Variants in PHIP observed in about 807,000 individuals in gnomAD.
PHIP encodes PHIP subunit of CUL4-Ring ligase complex.
PHIP carries 54 observed loss-of-function variants against 236.8 expected under a neutral mutation model. The observed-to-expected ratio is 0.23, with a 90% CI of 0.18 to 0.29. The LOEUF is 0.29. PHIP is among the 10% of genes least tolerant of loss of function. The pLI is 1.00. For synonymous variants in PHIP, 756 were observed against 718.9 expected, an observed-to-expected ratio of 1.05 and a Z score of -0.83; for missense variants, 1,370 against 2,190.8, an observed-to-expected ratio of 0.63 and a Z score of 7.48.
At chr6:78,951,219 T>G (rs2127687134) in intron 35 of PHIP, among the ~76,000 whole-genome samples, 1 of 152,322 alleles carries the variant, frequency 6.6e-6, no homozygotes, top group East Asian at 1.9e-4. Flanking sequence ...TTTTGCAATA[T>G]TTTGGTTAAT....
At chr6:78,944,064 G>C (rs1052211181) in intron 39 of PHIP, among the ~76,000 whole-genome samples, 3 of 145,080 alleles carry the variant, frequency 2.1e-5, no homozygotes, top group African/African-American at 7.7e-5. Flanking sequence ...TCCTAAAGAA[G>C]ACGATATTTT....
intron 7 of PHIP, among the ~76,000 whole-genome samples, chr6:79,032,808 C>T (rs989415994): frequency 1.3e-5 from 2 of 151,622 alleles, no homozygotes; most frequent in Admixed American, 1.3e-4. Flanking sequence ...TTCTCAATTA[C>T]AGGTGAAACA....
chr6:78,947,319 G>T (rs1189636650), intron 36 of PHIP, among the ~76,000 whole-genome samples: 1 of 152,126 alleles, frequency 6.6e-6, no homozygotes, highest in Non-Finnish European at 1.5e-5. Flanking sequence ...TCGCAAAAAT[G>T]CTCCACAAGG....
At chr6:78,955,345 A>T (rs759687949) in intron 33 of PHIP, 63 bp from the exon 34 acceptor site, 2 of 1,139,118 alleles carry the variant, frequency 1.8e-6, no homozygotes, top group Non-Finnish European at 1.3e-6. Flanking sequence ...TTTATAGTTG[A>T]TTAACTAGCA....
chr6:78,965,637 AT>A, intron 29 of PHIP, 65 bp downstream of exon 29: 1 of 900,220 alleles, frequency 1.1e-6, no homozygotes, highest in Non-Finnish European at 1.8e-6. Context: ...ATGTTAGCAA[AT>A]CTTAAATAAT....
At chr6:79,007,699 A>G (rs1380461764) in intron 15 of PHIP, among the ~76,000 whole-genome samples, 1 of 149,160 alleles carries the variant, frequency 6.7e-6, no homozygotes, top group Non-Finnish European at 1.5e-5. Flanking sequence ...CATTAGAAGA[A>G]AGCATCTTAC....
At chr6:79,030,369 A>C (rs922004066) in intron 7 of PHIP, among the ~76,000 whole-genome samples, 1 of 152,222 alleles carries the variant, frequency 6.6e-6, no homozygotes, top group Non-Finnish European at 1.5e-5. Context: ...ACTCAAGGGA[A>C]AACTAAGTAG....
At chr6:78,954,479 AG>A (rs952080913) in intron 35 of PHIP, among the ~76,000 whole-genome samples, 4 of 152,020 alleles carry the variant, frequency 2.6e-5, no homozygotes, top group African/African-American at 7.2e-5. Context: ...CTTTTTTTCT[AG>A]ATAATTGCCA....
At chr6:79,071,266 T>G (rs1021668139) in intron 4 of PHIP, among the ~76,000 whole-genome samples, 4 of 152,230 alleles carry the variant, frequency 2.6e-5, no homozygotes, top group African/African-American at 7.2e-5. Flanking sequence ...TTCAATAAGA[T>G]AACAGTTTGT....
chr6:78,952,429 AAAAAAAAAAAAG>A (rs1261526545), intron 35 of PHIP, among the ~76,000 whole-genome samples: 7 of 132,810 alleles, frequency 5.3e-5, no homozygotes, highest in African/African-American at 1.4e-4. Context: ...AAAAAAAAAG[AAAAAAAAAAAAG>A]AAAAAAAAAA....
chr6:79,024,966 C>T (rs186742106), intron 9 of PHIP, among the ~76,000 whole-genome samples: 125 of 152,152 alleles, frequency 8.2e-4, no homozygotes, highest in African/African-American at 2.8e-3. Flanking sequence ...TAATACTATC[C>T]AGCCAACTTG....
chr6:78,975,928 T>C (rs1313135479), intron 24 of PHIP, among the ~76,000 whole-genome samples: 1 of 149,820 alleles, frequency 6.7e-6, no homozygotes, highest in Admixed American at 6.6e-5. Context: ...AGAATCAATA[T>C]TGTGAAAATG....
rs761699272 is a variant in PHIP at position 78,983,124 on chromosome 6, G to A, written c.2538-7C>T. The A allele has an allele frequency of 2.1e-6, 3 of 1,437,626 alleles. No individual in the cohort carries two copies. The East Asian group carries it at 6.9e-5, about 33-fold the overall frequency. 89.1% of individuals were successfully genotyped at this position (1,437,626 alleles called of 1,614,324 possible). A position where few individuals can be genotyped will look rare whatever the true frequency, so the allele number is the denominator to read the frequency against. The stretch of plus-strand genomic sequence containing the variant: ...GTAATCACTGGAGTAGTCACTAGAA[G>A]GAGAGAAGGGATTATTAGATAACAC... On this transcript the variant is annotated splice_polypyrimidine_tract_variant and splice_region_variant and intron_variant, in intron 22 of 39. Coordinates refer to ENST00000275034, the MANE Select transcript of PHIP (RefSeq NM_017934.7).
chr6:78,949,498 A>C (rs1430867351), intron 35 of PHIP, among the ~76,000 whole-genome samples: 1 of 151,870 alleles, frequency 6.6e-6, no homozygotes, highest in African/African-American at 2.4e-5. Context: ...GGCCCACTGG[A>C]ATTATTCAAA....
intron 19 of PHIP, among the ~76,000 whole-genome samples, chr6:78,994,463 G>A (rs1368425434): frequency 2.0e-5 from 3 of 152,168 alleles, no homozygotes; most frequent in Admixed American, 2.0e-4. Context: ...TGTAGTCCCA[G>A]CTACTGGGAA....
At chr6:79,052,871 T>G (rs1407003004) in intron 6 of PHIP, among the ~76,000 whole-genome samples, 1 of 152,042 alleles carries the variant, frequency 6.6e-6, no homozygotes, top group Non-Finnish European at 1.5e-5. Flanking sequence ...CATTAACACA[T>G]AAAGAATTTC....
At chr6:78,972,809 G>C (rs753703580) in intron 24 of PHIP, among the ~76,000 whole-genome samples, 1 of 152,134 alleles carries the variant, frequency 6.6e-6, no homozygotes, top group Non-Finnish European at 1.5e-5. Context: ...GAAATGAAGC[G>C]AGAAGGGAAG....
intron 24 of PHIP, among the ~76,000 whole-genome samples, chr6:78,973,834 A>C (rs2127710118): frequency 6.6e-6 from 1 of 151,912 alleles, no homozygotes; most frequent in African/African-American, 2.4e-5. Flanking sequence ...AACTATCCTA[A>C]ATATATATGC....
At chr6:78,998,202 T>C in intron 18 of PHIP, 52 bp downstream of exon 18, 2 of 1,449,996 alleles carry the variant, frequency 1.4e-6, no homozygotes, top group Non-Finnish European at 1.9e-6. Flanking sequence ...GTGGGAGATT[T>C]AGGCTGTTTC....
Sources: allele counts gnomAD v4.1 joint callset (sites outside exome capture counted in the v4.1 genomes callset), GRCh38; gene constraint gnomAD v4.1.1; transcripts MANE v1.5; gene names NCBI Gene and HGNC (gene_info 2026-07-23, HGNC 2026-07-21).